PRDM1: variants seen among roughly 807,000 people sequenced by gnomAD.
PRDM1 encodes PR domain zinc finger protein 1.
PRDM1 carries 13 observed loss-of-function variants against 62.8 expected under a neutral mutation model. The ratio of observed to expected loss-of-function variants is 0.21; its 90% CI spans 0.13 to 0.33. PRDM1 has a LOEUF of 0.33. Ranked by LOEUF, PRDM1 falls within the 10% of genes least tolerant of loss-of-function variation. The pLI is 1.00. For synonymous variants in PRDM1, 396 were observed against 417.6 expected (o/e 0.95, Z 0.63); for missense variants, 895 against 1,058.8 (o/e 0.85, Z 2.15).
intron 1 of PRDM1, among the ~76,000 whole-genome samples, chr6:106,065,933 C>A (rs1217809188): frequency 1.3e-5 from 2 of 152,142 alleles, no homozygotes; most frequent in Non-Finnish European, 2.9e-5. Context: ...TACAGTAATT[C>A]CACTTAGTCC....
intron 1 of PRDM1, among the ~76,000 whole-genome samples, chr6:106,072,685 G>T (rs1773537918): frequency 6.6e-6 from 1 of 152,220 alleles, no homozygotes; most frequent in Non-Finnish European, 1.5e-5. Flanking sequence ...GGTGCCCCTT[G>T]TGTTGGGGAG....
chr6:106,031,557 C>T (rs1772844832), intron 1 of PRDM1, among the ~76,000 whole-genome samples: 3 of 152,134 alleles, frequency 2.0e-5, no homozygotes, highest in Admixed American at 2.0e-4. Context: ...CTTCAGTTTC[C>T]TGAGATTGGA....
intron 1 of PRDM1, among the ~76,000 whole-genome samples, chr6:106,014,798 T>A (rs1165394626): frequency 1.6e-4 from 24 of 152,174 alleles, no homozygotes; most frequent in Admixed American, 1.5e-3. Flanking sequence ...GGCCTTCTGG[T>A]GACAGGTGTC....
intron 1 of PRDM1, among the ~76,000 whole-genome samples, chr6:106,037,688 G>C (rs1772939068): frequency 6.6e-6 from 1 of 151,992 alleles, no homozygotes; most frequent in East Asian, 1.9e-4. Flanking sequence ...TTCAGCTGTA[G>C]AGTTTCTTGG....
chr6:106,036,392 A>G (rs1772926437), intron 1 of PRDM1, among the ~76,000 whole-genome samples: 1 of 152,170 alleles, frequency 6.6e-6, no homozygotes, highest in Non-Finnish European at 1.5e-5. Flanking sequence ...TTGTAGTGAA[A>G]CATTTTAATT....
chr6:106,000,575 TTTTCCATGTATGTAA>T (rs1304123825), intron 1 of PRDM1, among the ~76,000 whole-genome samples: 1 of 151,864 alleles, frequency 6.6e-6, no homozygotes, highest in Admixed American at 6.6e-5. Context: ...TCCATGTATG[TTTTCCATGTATGTAA>T]TTTCCATGTA....
intron 1 of PRDM1, among the ~76,000 whole-genome samples, chr6:105,999,995 G>A (rs1400506061): frequency 2.0e-5 from 3 of 151,976 alleles, no homozygotes; most frequent in Admixed American, 6.6e-5. Context: ...GACTACAGGC[G>A]CCTGCCACCA....
intron 4 of PRDM1, chr6:106,100,541 G>C (rs1258896697): frequency 6.6e-6 from 1 of 152,116 alleles, no homozygotes; most frequent in Admixed American, 6.5e-5. Context: ...ACTTGTTTTA[G>C]TTCTCATTTT....
At chr6:106,073,810 T>G (rs1267135057) in intron 1 of PRDM1, among the ~76,000 whole-genome samples, 1 of 152,204 alleles carries the variant, frequency 6.6e-6, no homozygotes, top group Non-Finnish European at 1.5e-5. Flanking sequence ...CTGCATTCCT[T>G]AGAGGCCAGA....
chr6:106,088,438 A>C lies in PRDM1; in HGVS notation c.280A>C (p.Asn94His), dbSNP rs547494610. 7 of 1,614,192 alleles carry C rather than the reference A, an allele frequency of 4.3e-6. No homozygotes were observed. Among genetic ancestry groups the C allele is most frequent in the Non-Finnish European group, 5.9e-6 (7 of 1,180,036 alleles). The change falls in exon 2 of 7, where the codon AAC becomes CAC. Residue 94 changes from asparagine (N) to histidine (H), a missense_variant. This residue lies in a region of PRDM1 where 213 missense variants were observed against 283.9 expected (regional missense o/e 0.75). Coordinates refer to ENST00000369096, the MANE Select transcript of PRDM1 (RefSeq NM_001198.4). ...PRNLLFKYATNSEEVIGVMSK... is the reference protein window; with the variant it reads ...PRNLLFKYATHSEEVIGVMSK... ...GAATCTGCTTTTCAAGTATGCCACC[A>C]ACAGTGAAGAGGTAAGCCTCTGGTT...
intron 1 of PRDM1, among the ~76,000 whole-genome samples, chr6:105,999,955 G>A (rs569229397): frequency 5.9e-5 from 9 of 152,030 alleles, no homozygotes; most frequent in South Asian, 4.1e-4. Context: ...CTGGGTTCAC[G>A]CCATTCTCCT....
chr6:106,043,086 G>T (rs114506433), intron 1 of PRDM1, among the ~76,000 whole-genome samples: 140 of 152,132 alleles, frequency 9.2e-4, no homozygotes, highest in African/African-American at 3.3e-3. Context: ...CCTGACCTTA[G>T]CTGATCTGCT....
intron 1 of PRDM1, among the ~76,000 whole-genome samples, chr6:106,056,726 C>A (rs1773272408): frequency 6.6e-6 from 1 of 152,218 alleles, no homozygotes; most frequent in African/African-American, 2.4e-5. Flanking sequence ...AATTCATTTA[C>A]ATTCTCTCCT....
At chr6:106,007,862 C>A (rs1400905753) in intron 1 of PRDM1, among the ~76,000 whole-genome samples, 2 of 152,228 alleles carry the variant, frequency 1.3e-5, no homozygotes, top group Non-Finnish European at 2.9e-5. Context: ...TCCTCCTAAA[C>A]TTCTTAACCA....
chr6:106,067,660 C>A (rs929628011), intron 1 of PRDM1, among the ~76,000 whole-genome samples: 2 of 152,062 alleles, frequency 1.3e-5, no homozygotes, highest in African/African-American at 2.4e-5. Flanking sequence ...TATGAGGTAC[C>A]TAGAAAGGGC....
At chr6:106,051,329 C>G (rs536248307) in intron 1 of PRDM1, among the ~76,000 whole-genome samples, 32 of 152,346 alleles carry the variant, frequency 2.1e-4, no homozygotes, top group Admixed American at 1.4e-3. Flanking sequence ...CTTCTGCCCC[C>G]GCAGACCCAG....
chr6:106,043,474 A>G (rs1227697169), intron 1 of PRDM1, among the ~76,000 whole-genome samples: 1 of 152,164 alleles, frequency 6.6e-6, no homozygotes, highest in African/African-American at 2.4e-5. Context: ...CTCATAAGAC[A>G]TAGATCTAAT....
At chr6:106,067,619 C>T (rs542394805) in intron 1 of PRDM1, among the ~76,000 whole-genome samples, 2 of 152,144 alleles carry the variant, frequency 1.3e-5, no homozygotes, top group Admixed American at 6.5e-5. Context: ...AAGCCAGACA[C>T]GAAAGTTCAA....
At chr6:106,098,141 G>C (rs1005304916) in intron 3 of PRDM1, 2 of 957,032 alleles carry the variant, frequency 2.1e-6, no homozygotes, top group African/African-American at 3.5e-5. Context: ...CCTGCTGTCC[G>C]GTGAGCACAA....
Sources: gnomAD v4.1 joint callset for allele counts (sites outside exome capture counted in the v4.1 genomes callset) on GRCh38, gnomAD v4.1.1 for gene constraint, gnomAD v4.1.1 regional missense constraint, MANE v1.5 for transcripts, NCBI Gene and HGNC (gene_info 2026-07-23, HGNC 2026-07-21) for gene names.